Variants in TANC2 observed in about 807,000 individuals in gnomAD.
The protein encoded by TANC2 is tetratricopeptide repeat, ankyrin repeat and coiled-coil containing 2.
TANC2 carries 26 observed loss-of-function variants against 210.5 expected under a neutral mutation model. The observed-to-expected ratio is 0.12, with a 90% CI of 0.09 to 0.17. The LOEUF (loss-of-function observed/expected upper bound fraction) is 0.17. Among genes scored for constraint, TANC2 ranks in the 10% least tolerant of loss-of-function variants. TANC2 has a pLI of 1.00. For synonymous variants in TANC2, 931 were observed against 967.1 expected (o/e 0.96, Z 0.69); for missense variants, 2,129 against 2,608.9 (o/e 0.82, Z 4.01).
chr17:63,258,511 A>T (rs2120257), intron 8 of TANC2, among the ~76,000 whole-genome samples: 22,552 of 151,978 alleles, frequency 0.15, 2,058 homozygotes, highest in Middle Eastern at 0.21. Context: ...GGAACCTTGA[A>T]ATCTACTTGG....
At chr17:63,410,693 T>C (rs1196648339) in intron 21 of TANC2, among the ~76,000 whole-genome samples, 1 of 151,570 alleles carries the variant, frequency 6.6e-6, no homozygotes, top group African/African-American at 2.4e-5. Context: ...GAACCCCATC[T>C]CTACTAAAAA....
intron 7 of TANC2, among the ~76,000 whole-genome samples, 177 bp from the exon 8 acceptor site, chr17:63,237,637 A>G (rs1021493474): frequency 1.3e-5 from 2 of 152,038 alleles, no homozygotes; most frequent in South Asian, 2.1e-4. Context: ...TGATTTTTGC[A>G]TATGGTGAGA....
intron 9 of TANC2, among the ~76,000 whole-genome samples, chr17:63,295,798 A>G (rs1187465013): frequency 6.6e-6 from 1 of 152,228 alleles, no homozygotes; most frequent in African/African-American, 2.4e-5. Flanking sequence ...TAAACTAACT[A>G]CATGGCCTTA....
At chr17:63,269,002 C>A (rs757671407) in intron 9 of TANC2, among the ~76,000 whole-genome samples, 1 of 152,116 alleles carries the variant, frequency 6.6e-6, no homozygotes, top group Non-Finnish European at 1.5e-5. Flanking sequence ...TTCTTTAGCT[C>A]TCCTCTTCAC....
chr17:63,178,495 C>T (rs943489420), intron 5 of TANC2, among the ~76,000 whole-genome samples: 12 of 152,290 alleles, frequency 7.9e-5, no homozygotes, highest in Admixed American at 5.9e-4. Flanking sequence ...TGACAAATTG[C>T]GGCCCCTGCT....
chr17:63,148,412 C>T (rs1185099475), intron 4 of TANC2: 1 of 152,124 alleles, frequency 6.6e-6, no homozygotes, highest in East Asian at 1.9e-4. Flanking sequence ...GAAACTGAGG[C>T]TTGGTAAGGC....
chr17:63,241,930 GTT>G (rs1172910097), intron 8 of TANC2, among the ~76,000 whole-genome samples: 1 of 152,122 alleles, frequency 6.6e-6, no homozygotes, highest in African/African-American at 2.4e-5. Context: ...TGACCCTTAA[GTT>G]TTAAGTTTTT....
In TANC2 at chr17:63,351,461, A is replaced by C. The variant is rs2046605645; in HGVS notation, c.1974+45A>C. 2.0e-6 allele frequency: 3 copies of C among 1,496,602 alleles called. No individual in the cohort carries two copies. In the African/African-American group the frequency reaches 4.3e-5, roughly 21 times the overall value. The allele number at this position is 1,496,602 out of a possible 1,614,324, so 92.7% of individuals were successfully genotyped here. ...TAAACCATAAATGATTCCTCTTGGA[A>C]AGAGCTTAGACTGAAAAAGTTCTAG... On this transcript the variant is annotated intron_variant, in intron 13 of 27. Coordinates refer to ENST00000689528, the Ensembl canonical transcript of TANC2.
intron 12 of TANC2, among the ~76,000 whole-genome samples, chr17:63,350,047 A>C (rs2046548122): frequency 6.6e-6 from 1 of 152,242 alleles, no homozygotes; most frequent in Non-Finnish European, 1.5e-5. Context: ...TATTGAAATT[A>C]AATCTCTTTT....
chr17:63,070,072 T>C (rs574428416), intron 2 of TANC2, among the ~76,000 whole-genome samples: 1 of 152,336 alleles, frequency 6.6e-6, no homozygotes, highest in South Asian at 2.1e-4. Flanking sequence ...ATTCAAAATA[T>C]AATTTTGGTT....
chr17:63,192,681 C>T (rs1384793476), intron 5 of TANC2, among the ~76,000 whole-genome samples: 1 of 152,124 alleles, frequency 6.6e-6, no homozygotes, highest in African/African-American at 2.4e-5. Context: ...ATCTGTGCCT[C>T]TATTTTCTCA....
At chr17:63,133,654 A>T (rs991738512) in intron 4 of TANC2, among the ~76,000 whole-genome samples, 17 of 152,260 alleles carry the variant, frequency 1.1e-4, no homozygotes, top group Middle Eastern at 6.8e-3. Context: ...ATGTAAAACT[A>T]TGTTTGCAAG....
intron 5 of TANC2, among the ~76,000 whole-genome samples, chr17:63,183,933 C>T (rs995099573): frequency 6.6e-6 from 1 of 151,576 alleles, no homozygotes; most frequent in Non-Finnish European, 1.5e-5. Flanking sequence ...AGGAGAATGG[C>T]GTGAACCCGG....
chr17:63,200,355 C>CAAAAAAAGAAA (rs2041487646), intron 6 of TANC2, among the ~76,000 whole-genome samples: 1 of 93,814 alleles, frequency 1.1e-5, no homozygotes, highest in East Asian at 3.2e-4. Context: ...AACTCTGTCT[C>CAAAAAAAGAAA]AAAAAAAAAA....
At chr17:63,314,534 G>T in exon 10 of TANC2, 1 of 1,613,934 alleles carries the variant, frequency 6.2e-7, no homozygotes, top group South Asian at 1.1e-5. Context: ...AAATGCCAGC[G>T]TGAACCAAGG....
At chr17:63,236,684 G>A (rs893007976) in intron 7 of TANC2, among the ~76,000 whole-genome samples, 7 of 151,942 alleles carry the variant, frequency 4.6e-5, no homozygotes, top group Non-Finnish European at 7.4e-5. Context: ...TCCATTGTCC[G>A]TCATTCCATT....
chr17:63,220,717 A>ATAT (rs1254929643), intron 7 of TANC2, among the ~76,000 whole-genome samples: 47 of 135,898 alleles, frequency 3.5e-4, no homozygotes, highest in African/African-American at 1.1e-3. Flanking sequence ...AAAAAAAAAA[A>ATAT]AAATATATAT....
At chr17:63,072,823 G>A (rs557693086) in intron 2 of TANC2, among the ~76,000 whole-genome samples, 1 of 152,042 alleles carries the variant, frequency 6.6e-6, no homozygotes, top group South Asian at 2.1e-4. Context: ...ACATGAATTG[G>A]ATTTAATTAT....
intron 3 of TANC2, among the ~76,000 whole-genome samples, chr17:63,089,816 A>G (rs1249572140): frequency 2.0e-5 from 3 of 152,192 alleles, no homozygotes; most frequent in Admixed American, 6.5e-5. Flanking sequence ...TTTAGGGACC[A>G]GACTACCACC....
Sources: allele counts gnomAD v4.1 joint callset (sites outside exome capture counted in the v4.1 genomes callset), GRCh38; gene constraint gnomAD v4.1.1; transcripts MANE v1.5; gene names NCBI Gene and HGNC (gene_info 2026-07-23, HGNC 2026-07-21).